Variants in PNPLA6 observed in about 807,000 individuals in gnomAD.
PNPLA6 encodes the protein patatin like domain 6, lysophospholipase.
In PNPLA6, 105 loss-of-function variants were observed where a neutral mutation model predicts 153.7. The ratio of observed to expected loss-of-function variants is 0.68; its 90% CI spans 0.58 to 0.80. The LOEUF is 0.80. PNPLA6 is among the 30% of genes least tolerant of loss of function. The pLI is 0.00. For synonymous variants in PNPLA6, 825 were observed against 822.2 expected (o/e 1.00, Z -0.06); for missense variants, 1,423 against 1,919.3 (o/e 0.74, Z 4.83).
In PNPLA6 at chr19:7,536,460, C is replaced by T; in HGVS notation, c.327C>T (p.Ser109=). The T allele has an allele frequency of 1.2e-6, 2 of 1,612,818 alleles. No individual in the cohort carries two copies. The highest frequency in any genetic ancestry group is 1.7e-6 in the Non-Finnish European group (2 of 1,178,812). Residue 109 remains serine, a synonymous_variant, in exon 3 of 32, where the codon TCC becomes TCT. Transcript: ENST00000600737. ...GRKIMRKVSQ[S]TSSLVDTSVS... is the part of the protein sequence containing the mutation. ...CTTCATTCTCCCAGGTGTCACAATCCACCTCCTCCCTCGTGGATACCTCTG... is the reference window on the plus strand; with the variant it reads ...CTTCATTCTCCCAGGTGTCACAATCTACCTCCTCCCTCGTGGATACCTCTG...
At chr19:7,536,645 G>T in intron 3 of PNPLA6, 99 bp downstream of exon 3, 1 of 826,154 alleles carries the variant, frequency 1.2e-6, no homozygotes, top group Non-Finnish European at 2.1e-6. Context: ...TTCCCATATT[G>T]GCTGCGCGCT....
intron 3 of PNPLA6, among the ~76,000 whole-genome samples, chr19:7,539,168 A>C (rs1032769052): frequency 1.3e-5 from 2 of 152,244 alleles, no homozygotes; most frequent in African/African-American, 2.4e-5. Flanking sequence ...GTACCAATAA[A>C]ACTTTATTTA....
In PNPLA6 at chr19:7,555,210, C is replaced by T. The variant is rs2023820498; in HGVS notation, c.2818-39C>T. ...CCCTGGGGGATCCGCCGGACCCCGCCCTCATGCTCCTGGGTCGCGACTATC... is the reference window on the plus strand; with the variant it reads ...CCCTGGGGGATCCGCCGGACCCCGCTCTCATGCTCCTGGGTCGCGACTATC... On this transcript the variant is annotated intron_variant, in intron 22 of 31. Transcript: ENST00000600737. This position sits in a 1 kb window ranked among gnomAD's most constrained non-coding sequence, Gnocchi z 6.3. 3 of 1,547,568 alleles carry T rather than the reference C, an allele frequency of 1.9e-6. No homozygotes were observed. Among genetic ancestry groups the T allele is most frequent in the African/African-American group, 1.4e-5 (1 of 73,724 alleles).
In PNPLA6 at chr19:7,539,905, C is replaced by A; in HGVS notation, c.414-13C>A. On this transcript the variant is annotated splice_polypyrimidine_tract_variant and intron_variant, in intron 3 of 31. Transcript: ENST00000600737. ...TGCCCCCCTCACCCCCGGCACCCCT[C>A]CCCTCCCACCAGGATCCTGCGCATC... 1 of 1,528,080 alleles carries A rather than the reference C, an allele frequency of 6.5e-7. No homozygotes were observed. Among genetic ancestry groups the A allele is most frequent in the Non-Finnish European group, 8.8e-7 (1 of 1,135,974 alleles). The allele number at this position is 1,528,080 out of a possible 1,614,324, so 94.7% of individuals were successfully genotyped here. A position where few individuals can be genotyped will look rare whatever the true frequency, so the allele number is the denominator to read the frequency against.
rs377397889 is a variant in PNPLA6 at position 7,543,024 on chromosome 19, C to A, written c.1548C>A (p.Asn516Lys). The A allele has an allele frequency of 6.2e-7, 1 of 1,613,922 alleles. No homozygotes were observed. Among genetic ancestry groups the A allele is most frequent in the Non-Finnish European group, 8.5e-7 (1 of 1,180,006 alleles). The change falls in exon 13 of 32, where the codon AAC becomes AAA. Residue 516 changes from asparagine to lysine, a missense_variant. Physicochemically the swap from Asn to Lys is moderately conservative, Grantham distance 94. This residue lies in a region of PNPLA6 where 267 missense variants were observed against 255.1 expected (regional missense o/e 1.05). Coordinates refer to ENST00000600737, the MANE Select transcript of PNPLA6 (RefSeq NM_001166114.2). ...CTCCCCAGGACCCCTCCCTCCTGAA[C>A]AGCAGAGTCTTGCTGCACCACGCCA... ...LMRIEDPSLL[N>K]SRVLLHHAKA...
Position 7,555,623 on chromosome 19 carries a change from G to A in PNPLA6, c.2953G>A (p.Gly985Arg). The A allele has an allele frequency of 6.2e-7, 1 of 1,612,280 alleles. No individual in the cohort carries two copies. Among genetic ancestry groups the A allele is most frequent in the South Asian group, 1.1e-5 (1 of 91,000 alleles). The change falls in exon 24 of 32, where the codon GGA becomes AGA. Residue 985 changes from glycine (G) to arginine (R), a missense_variant. Gly to Arg is a moderately radical substitution (Grantham distance 125). Around this residue, in one of 10 missense-constraint regions of PNPLA6, gnomAD observed 643 missense variants for 835.2 expected, o/e 0.77. Coordinates refer to ENST00000600737, the MANE Select transcript of PNPLA6 (RefSeq NM_001166114.2). The surrounding 1 kb of genome is among the most constrained non-coding windows in gnomAD (Gnocchi z 6.3). Reference sequence around the variant, plus strand: ...TCCCGGCAGGGGCTGCTCGCACATCGGAGTACTAAAGGCATTAGAGGAGGC... The same window carrying A: ...TCCCGGCAGGGGCTGCTCGCACATCAGAGTACTAAAGGCATTAGAGGAGGC... ...GGGARGCSHI[G>R]VLKALEEAGV...
chr19:7,558,732 G>A, intron 27 of PNPLA6, 118 bp from the exon 28 acceptor site: 1 of 675,274 alleles, frequency 1.5e-6, no homozygotes, highest in South Asian at 1.7e-5. Flanking sequence ...GCATGTGTGG[G>A]TATTCTCTCT....
In PNPLA6 at chr19:7,550,371, C is replaced by G; in HGVS notation, c.1888C>G (p.Arg630Gly). The G allele has an allele frequency of 6.2e-7, 1 of 1,612,148 alleles. No individual in the cohort carries two copies. Among genetic ancestry groups the G allele is most frequent in the Non-Finnish European group, 8.5e-7 (1 of 1,180,036 alleles). Residue 630 changes from arginine to glycine, a missense_variant, in exon 15 of 32, where the codon CGC becomes GGC. Physicochemically the swap from Arg to Gly is moderately radical, Grantham distance 125. This residue lies in a region of PNPLA6 where 119 missense variants were observed against 163.7 expected (regional missense o/e 0.73). Coordinates refer to ENST00000600737, the MANE Select transcript of PNPLA6 (RefSeq NM_001166114.2). ...TVAARMSPFV[R>G]QMDFAIDWTA... ...GGCAGCCAGGATGTCGCCCTTCGTG[C>G]GCCAGATGGACTTCGCCATCGACTG...
rs756056332 is a variant in PNPLA6 at position 7,557,180 on chromosome 19, G to A, written c.3293G>A (p.Arg1098Gln). The A allele has an allele frequency of 3.7e-6, 6 of 1,612,190 alleles. No individual in the cohort carries two copies. The highest frequency in any genetic ancestry group is 1.1e-5 in the South Asian group (1 of 91,034). The part of the protein sequence containing the change: ...MRVHKDGSLW[R>Q]YVRASMTLSG... ...TCCCACCGCGCAGGCTCCCTGTGGC[G>A]GTACGTGCGCGCCAGCATGACGCTG... Residue 1098 changes from arginine to glutamine, a missense_variant, in exon 27 of 32, where the codon CGG (arginine) becomes CAG (glutamine). Physicochemically the swap from Arg to Gln is conservative, Grantham distance 43 (BLOSUM62 1). This residue lies in a region of PNPLA6 where 643 missense variants were observed against 835.2 expected (regional missense o/e 0.77). Coordinates refer to ENST00000600737, the MANE Select transcript of PNPLA6 (RefSeq NM_001166114.2).
In PNPLA6 at chr19:7,542,641, T is replaced by C; in HGVS notation, c.1333T>C (p.Ser445Pro). ...CTCCGTGTCCCTGCAGGAAGAGGCC[T>C]CCGGGGGGTCCCTGGCAGCCCCCGC... ...RISVSLQEEASGGSLAAPART... is the reference protein window; with the variant it reads ...RISVSLQEEAPGGSLAAPART... The change falls in exon 11 of 32, where the codon TCC becomes CCC. Residue 445 changes from serine to proline, a missense_variant. By Grantham distance (74) the Ser-to-Pro change is moderately conservative. Around this residue, in one of 10 missense-constraint regions of PNPLA6, gnomAD observed 267 missense variants for 255.1 expected, o/e 1.05. Transcript: ENST00000600737. The C allele has an allele frequency of 1.2e-6, 2 of 1,613,302 alleles. No individual in the cohort carries two copies. Among genetic ancestry groups the C allele is most frequent in the Non-Finnish European group, 1.7e-6 (2 of 1,179,916 alleles).
rs1471397279 is a variant in PNPLA6, at chr19:7,550,313, G to T, written c.1830G>T (p.Gln610His). The T allele has an allele frequency of 2.5e-6, 4 of 1,612,698 alleles. No individual in the cohort carries two copies. The highest frequency in any genetic ancestry group is 3.4e-6 in the Non-Finnish European group (4 of 1,180,052). The change falls in exon 15 of 32, where the codon CAG becomes CAT. Residue 610 changes from glutamine to histidine, a missense_variant. Around this residue, in one of 10 missense-constraint regions of PNPLA6, gnomAD observed 119 missense variants for 163.7 expected, o/e 0.73. Transcript: ENST00000600737. The stretch of plus-strand genomic sequence containing the variant: ...GTTCCTGCAGGATCATGCGCGCACA[G>T]CCCAGTGTGGTGCTGAGTGCGGCGC... ...KSDFYEIMRAQPSVVLSAAHT... is the reference protein window; with the variant it reads ...KSDFYEIMRAHPSVVLSAAHT...
chr19:7,554,535 C>G lies in PNPLA6; in HGVS notation c.2466-20C>G, dbSNP rs1350299296. The G allele has an allele frequency of 1.2e-6, 2 of 1,613,864 alleles. No individual in the cohort carries two copies. Among genetic ancestry groups the G allele is most frequent in the African/African-American group, 2.7e-5 (2 of 74,914 alleles). ...ACCCCAGGCCAACCCCAGGATGACG[C>G]TGCCCCCTTCCCACCCTAGCATCCA... On this transcript the variant is annotated intron_variant, in intron 20 of 31. Transcript: ENST00000600737.
intron 13 of PNPLA6, among the ~76,000 whole-genome samples, chr19:7,547,580 G>A (rs771430389): frequency 1.3e-5 from 2 of 150,174 alleles, no homozygotes; most frequent in South Asian, 4.3e-4. Flanking sequence ...ACTATCAAGC[G>A]ATCCTTCTGC....
chr19:7,548,195 A>G (rs2146080311), intron 13 of PNPLA6, among the ~76,000 whole-genome samples: 1 of 151,998 alleles, frequency 6.6e-6, no homozygotes, highest in East Asian at 2.0e-4. Context: ...AAATACAAAA[A>G]TTAGCCAGGC....
chr19:7,556,467 G>A lies in PNPLA6; in HGVS notation c.3108G>A (p.Val1036=), dbSNP rs761865962. ...AREWAKSMTS[V]LEPVLDLTYP... ...CTTGTCCCTAGAGCATGACTTCGGTGCTGGAACCTGTGTTGGACCTCACGT... is the reference window on the plus strand; with the variant it reads ...CTTGTCCCTAGAGCATGACTTCGGTACTGGAACCTGTGTTGGACCTCACGT... Residue 1036 remains valine, a synonymous_variant, in exon 25 of 32, where the codon GTG becomes GTA. Coordinates refer to ENST00000600737, the MANE Select transcript of PNPLA6 (RefSeq NM_001166114.2). The A allele has an allele frequency of 5.6e-6, 9 of 1,611,938 alleles. No homozygotes were observed. Among genetic ancestry groups the A allele is most frequent in the African/African-American group, 1.3e-5 (1 of 74,842 alleles).
At chr19:7,559,906 G>T (rs555941511) in intron 28 of PNPLA6, among the ~76,000 whole-genome samples, 18 of 151,572 alleles carry the variant, frequency 1.2e-4, no homozygotes, top group Admixed American at 1.2e-3. Flanking sequence ...TTGGGAGGCC[G>T]AGGTGGGCAG....
In PNPLA6 at chr19:7,559,107, G is replaced by A. The variant is rs370060935; in HGVS notation, c.3655G>A (p.Asp1219Asn). The A allele has an allele frequency of 1.5e-5, 25 of 1,614,078 alleles. No homozygotes were observed. Among genetic ancestry groups the A allele is most frequent in the Middle Eastern group, 1.6e-4 (1 of 6,084 alleles). Reference protein sequence around the residue: ...SYCEYLRPPIDCFKTMDFGKF... With the variant: ...SYCEYLRPPINCFKTMDFGKF... ...CTGCGAGTACCTGCGCCCGCCCATC[G>A]ACTGCTTCAAGACCATGGACTTTGG... The change falls in exon 28 of 32, where the codon GAC becomes AAC. Residue 1219 changes from aspartate (D) to asparagine (N), a missense_variant. Transcript: ENST00000600737.
In PNPLA6 at chr19:7,540,161, C is replaced by T. The variant is rs1285976094; in HGVS notation, c.567C>T (p.His189=). ...GCCTGTCCAACAGGGTGCTGGGCCA[C>T]TTCGAGAAGCCACTCTTCCTGGAGC... ...YMLKNVRVLG[H]FEKPLFLELC... is the part of the protein sequence containing the mutation. Residue 189 remains histidine (H), a synonymous_variant, in exon 5 of 32, where the codon CAC becomes CAT. Transcript: ENST00000600737. This position sits in a 1 kb window ranked among gnomAD's most constrained non-coding sequence, Gnocchi z 6.8. The T allele has an allele frequency of 6.2e-7, 1 of 1,611,588 alleles. No individual in the cohort carries two copies. Among genetic ancestry groups the T allele is most frequent in the South Asian group, 1.1e-5 (1 of 91,086 alleles).
In PNPLA6 at chr19:7,556,711, A is replaced by G; in HGVS notation, c.3267A>G (p.Arg1089=). 6.2e-7 allele frequency: 1 copy of G among 1,613,364 alleles called. No individual in the cohort carries two copies. Among genetic ancestry groups the G allele is most frequent in the Non-Finnish European group, 8.5e-7 (1 of 1,179,382 alleles). Residue 1089 remains arginine, a synonymous_variant, in exon 26 of 32, where the codon CGA becomes CGG. Transcript: ENST00000600737. ...VTTDITASAM[R]VHKDGSLWRY... is the part of the protein sequence containing the mutation. ...CAGATATCACCGCCTCAGCCATGCGAGTCCACAAAGATGGTGGGTGTCCCC... is the reference window on the plus strand; with the variant it reads ...CAGATATCACCGCCTCAGCCATGCGGGTCCACAAAGATGGTGGGTGTCCCC...
Sources: gnomAD v4.1 joint callset for allele counts (sites outside exome capture counted in the v4.1 genomes callset) on GRCh38, gnomAD v4.1.1 for gene constraint, gnomAD v4.1.1 regional missense constraint, Gnocchi (gnomAD v3.1) non-coding constraint, MANE v1.5 for transcripts, NCBI Gene and HGNC (gene_info 2026-07-23, HGNC 2026-07-21) for gene names.